The following DNAJC6 variants were observed in gnomAD, a reference collection of about 807,000 sequenced individuals.
The protein encoded by DNAJC6 is DnaJ heat shock protein family (Hsp40) member C6.
A neutral mutation model predicts 110.0 loss-of-function variants in DNAJC6; 34 were observed. The ratio of observed to expected loss-of-function variants is 0.31; its 90% CI spans 0.24 to 0.41. The LOEUF is 0.41. Ranked by LOEUF, DNAJC6 falls within the 10% of genes least tolerant of loss-of-function variation. The pLI, the probability that DNAJC6 is intolerant of heterozygous loss-of-function variation, is 1.00. For synonymous variants in DNAJC6, 406 were observed against 437.2 expected (o/e 0.93, Z 0.89); for missense variants, 1,031 against 1,207.8 (o/e 0.85, Z 2.17).
chr1:65,366,239 T>C (rs747382911), intron 4 of DNAJC6, 43 bp downstream of exon 4: 5 of 1,604,826 alleles, frequency 3.1e-6, no homozygotes, highest in Non-Finnish European at 4.3e-6. Context: ...GAAGACGTGA[T>C]GGTGCTTTTC....
intron 1 of DNAJC6, among the ~76,000 whole-genome samples, chr1:65,269,739 G>T (rs1157631987): frequency 6.6e-6 from 1 of 152,074 alleles, no homozygotes; most frequent in African/African-American, 2.4e-5. Flanking sequence ...GGTTAAGCTG[G>T]GATTAGAGAC....
intron 4 of DNAJC6, among the ~76,000 whole-genome samples, chr1:65,368,498 C>A (rs1645670328): frequency 6.6e-6 from 1 of 151,824 alleles, no homozygotes; most frequent in Admixed American, 6.6e-5. Context: ...TTCCTTCCTT[C>A]TTCCCTTCTC....
intron 8 of DNAJC6, 50 bp downstream of exon 8, chr1:65,386,979 G>T: frequency 7.0e-7 from 1 of 1,436,532 alleles, no homozygotes; most frequent in South Asian, 1.1e-5. Flanking sequence ...GTCTTCAATA[G>T]GAGTATTTCT....
chr1:65,307,012 C>CTATATATATA (rs1458442591), upstream of DNAJC6, among the ~76,000 whole-genome samples: 2 of 80,046 alleles, frequency 2.5e-5, no homozygotes, highest in African/African-American at 1.1e-4. Flanking sequence ...CTCTCTCTCT[C>CTATATATATA]TCTCTCTATA....
intron 1 of DNAJC6, among the ~76,000 whole-genome samples, chr1:65,362,955 T>C (rs1196084941): frequency 6.6e-6 from 1 of 152,208 alleles, no homozygotes; most frequent in Non-Finnish European, 1.5e-5. Flanking sequence ...CTCAGCAATT[T>C]ATAAAGAAAA....
At chr1:65,310,513 C>G (rs1645089438) in intron 1 of DNAJC6, among the ~76,000 whole-genome samples, 1 of 152,184 alleles carries the variant, frequency 6.6e-6, no homozygotes, top group Admixed American at 6.5e-5. Context: ...ATCTAGAGCT[C>G]TTTTACACAG....
chr1:65,379,592 T>G, intron 5 of DNAJC6, 68 bp downstream of exon 5: 1 of 1,565,874 alleles, frequency 6.4e-7, no homozygotes. Context: ...CTGTACACAA[T>G]GGTAGACAGG....
chr1:65,344,550 C>T (rs1238582202), intron 1 of DNAJC6, among the ~76,000 whole-genome samples: 2 of 152,132 alleles, frequency 1.3e-5, no homozygotes, highest in African/African-American at 4.8e-5. Context: ...TTTCAGTTAT[C>T]TTCATGTCGT....
chr1:65,343,100 C>G (rs897793025), intron 1 of DNAJC6, among the ~76,000 whole-genome samples: 1 of 152,182 alleles, frequency 6.6e-6, no homozygotes, highest in Non-Finnish European at 1.5e-5. Flanking sequence ...CCTCTCACCC[C>G]TCTCTAATAT....
rs556169143 is a variant in DNAJC6 at position 65,363,668 on chromosome 1, C to T, written c.194-967C>T. ...GGTGGAGTGGGGGTTGGGGCAGGTG[C>T]TACTGGCATCTAGTGAATAGAGGCC... On this transcript the variant is annotated intron_variant, in intron 1 of 18. Transcript: ENST00000371069. Among the ~76,000 whole-genome samples, 22 of 152,152 alleles carry T rather than the reference C, an allele frequency of 1.4e-4. No individual in the cohort carries two copies. In the East Asian group the frequency reaches 4.1e-3, roughly 28 times the overall value.
chr1:65,394,905 CT>C lies in DNAJC6; in HGVS notation c.1914del (p.Phe638LeufsTer20). ...PTLRVGEGAT[F>X]DPFGAPSKPS... ...TTTCCCATTGTTTTCTAGGTGCCAC[CT>C]TTGACCCATTTGGAGCACCTTCTAA... is the stretch of plus-strand genomic sequence containing the variant. On this transcript the variant is annotated frameshift_variant, in exon 13 of 19. Coordinates refer to ENST00000371069, the MANE Select transcript of DNAJC6 (RefSeq NM_001256864.2). LOFTEE classifies it high-confidence loss of function. 1 of 1,598,194 alleles carries C rather than the reference CT, an allele frequency of 6.3e-7. No individual in the cohort carries two copies. Among genetic ancestry groups the C allele is most frequent in the Non-Finnish European group, 8.5e-7 (1 of 1,174,876 alleles).
At chr1:65,389,226 T>A in intron 9 of DNAJC6, 30 bp from the exon 10 acceptor site, 2 of 1,593,662 alleles carry the variant, frequency 1.3e-6, no homozygotes, top group Middle Eastern at 1.8e-4. Flanking sequence ...TGTTTTTCAC[T>A]GAATTTATCT....
chr1:65,270,480 T>G (rs1653468000), intron 1 of DNAJC6, among the ~76,000 whole-genome samples: 1 of 152,132 alleles, frequency 6.6e-6, no homozygotes, highest in Admixed American at 6.5e-5. Flanking sequence ...TTGGAGACTA[T>G]AGGTTCAATA....
chr1:65,276,556 C>T (rs1476411907), intron 1 of DNAJC6, among the ~76,000 whole-genome samples: 1 of 152,154 alleles, frequency 6.6e-6, no homozygotes, highest in Non-Finnish European at 1.5e-5. Context: ...CCTAGGGAAA[C>T]TGACTGAGAG....
chr1:65,376,401 C>G (rs1645767038), intron 4 of DNAJC6, among the ~76,000 whole-genome samples: 1 of 151,084 alleles, frequency 6.6e-6, no homozygotes, highest in Non-Finnish European at 1.5e-5. Context: ...TTGCTCTGGT[C>G]TTTATTATTT....
intron 15 of DNAJC6, among the ~76,000 whole-genome samples, chr1:65,404,416 GGAGT>G (rs1646056457): frequency 6.6e-6 from 1 of 152,222 alleles, no homozygotes; most frequent in African/African-American, 2.4e-5. Context: ...CAGGCTCAAA[GGAGT>G]GAGTTTTTTT....
chr1:65,354,362 C>T (rs1319565329), intron 1 of DNAJC6, among the ~76,000 whole-genome samples: 1 of 152,176 alleles, frequency 6.6e-6, no homozygotes, highest in African/African-American at 2.4e-5. Flanking sequence ...CCTCAGTTTC[C>T]TCAGTGGGAC....
intron 1 of DNAJC6, among the ~76,000 whole-genome samples, chr1:65,320,301 C>T (rs1448159194): frequency 4.6e-5 from 7 of 152,196 alleles, no homozygotes; most frequent in Non-Finnish European, 2.9e-5. Flanking sequence ...ATCTCTCTTA[C>T]TTTACCTCTG....
intron 1 of DNAJC6, chr1:65,345,529 G>T (rs941022629): frequency 5.7e-6 from 2 of 350,588 alleles, no homozygotes; most frequent in Non-Finnish European, 8.0e-6. Flanking sequence ...ATCCAGGTAT[G>T]CTTGTTTGCA....
Sources: allele counts gnomAD v4.1 joint callset (sites outside exome capture counted in the v4.1 genomes callset), GRCh38; gene constraint gnomAD v4.1.1; transcripts MANE v1.5; gene names NCBI Gene and HGNC (gene_info 2026-07-23, HGNC 2026-07-21).